Variants in COL14A1 observed in about 807,000 individuals in gnomAD.
The protein encoded by COL14A1 is collagen alpha-1(XIV) chain.
A neutral mutation model predicts 230.3 loss-of-function variants in COL14A1; 136 were observed. The ratio of observed to expected loss-of-function variants is 0.59; its 90% CI spans 0.51 to 0.68. The LOEUF is 0.68. COL14A1 is among the 30% of genes least tolerant of loss of function. The pLI is 0.00. For synonymous variants in COL14A1, 792 were observed against 784.1 expected (o/e 1.01, Z -0.17); for missense variants, 1,976 against 2,215.8 (o/e 0.89, Z 2.17).
chr8:120,253,947 T>C lies in COL14A1; in HGVS notation c.2753-1293T>C, dbSNP rs542991765. Among the ~76,000 whole-genome samples, 3 of 152,240 alleles carry C rather than the reference T, an allele frequency of 2.0e-5. No individual in the cohort carries two copies. The East Asian group carries it at 5.8e-4, about 29-fold the overall frequency. Reference sequence around the variant, plus strand: ...CTCAAAAAACAAAACAAAAAAGTTATATAAATCAATTAACATTAATTTCAT... The same window carrying C: ...CTCAAAAAACAAAACAAAAAAGTTACATAAATCAATTAACATTAATTTCAT... On this transcript the variant is annotated intron_variant, in intron 22 of 47. Transcript: ENST00000297848.
intron 5 of COL14A1, among the ~76,000 whole-genome samples, chr8:120,192,541 G>A (rs1816864358): frequency 6.6e-6 from 1 of 152,038 alleles, no homozygotes; most frequent in Non-Finnish European, 1.5e-5. Flanking sequence ...TGCTCTTCTC[G>A]AGGAGTATCT....
chr8:120,238,660 T>G (rs955816946), intron 19 of COL14A1, among the ~76,000 whole-genome samples: 10 of 151,974 alleles, frequency 6.6e-5, no homozygotes, highest in African/African-American at 2.2e-4. Context: ...GGTATGAAAA[T>G]AAACTCTTGC....
intron 45 of COL14A1, among the ~76,000 whole-genome samples, chr8:120,349,579 C>T (rs982811473): frequency 5.1e-5 from 7 of 137,902 alleles, no homozygotes; most frequent in African/African-American, 1.5e-4. Flanking sequence ...TCGAGAACTA[C>T]GTGAAGAATG....
At chr8:120,370,544 A>G (rs376105884) in intron 47 of COL14A1, 20 of 1,469,764 alleles carry the variant, frequency 1.4e-5, no homozygotes, top group South Asian at 1.1e-4. Context: ...CTCTGCTCCA[A>G]ACATGATGGA....
intron 2 of COL14A1, among the ~76,000 whole-genome samples, chr8:120,151,344 A>G (rs1316947252): frequency 6.6e-6 from 1 of 152,006 alleles, no homozygotes; most frequent in African/African-American, 2.4e-5. Flanking sequence ...CCAAATAGAC[A>G]TTTTCAGAGA....
chr8:120,367,122 T>C (rs1823429158), intron 45 of COL14A1, 49 bp from the exon 46 acceptor site: 3 of 1,461,392 alleles, frequency 2.1e-6, no homozygotes, highest in Admixed American at 2.3e-5. Flanking sequence ...ACTACCAAGA[T>C]TTTCTTTTAA....
chr8:120,158,372 G>C, intron 3 of COL14A1, 126 bp downstream of exon 3: 1 of 672,484 alleles, frequency 1.5e-6, no homozygotes, highest in Non-Finnish European at 2.7e-6. Flanking sequence ...AATCTTCAGT[G>C]TTTAAAATCT....
chr8:120,262,161 A>C (rs955043449), intron 23 of COL14A1, among the ~76,000 whole-genome samples: 1 of 152,056 alleles, frequency 6.6e-6, no homozygotes, highest in African/African-American at 2.4e-5. Flanking sequence ...ATCATATCGA[A>C]TAAAAGGGAG....
rs1819615839 is a variant in COL14A1 at position 120,270,121 on chromosome 8, T to G, written c.3160T>G (p.Phe1054Val). 16 of 1,611,632 alleles carry G rather than the reference T, an allele frequency of 9.9e-6. No homozygotes were observed. The highest frequency in any genetic ancestry group is 1.4e-5 in the Non-Finnish European group (16 of 1,178,424). Residue 1054 changes from phenylalanine to valine, a missense_variant, in exon 26 of 48, where the codon TTT becomes GTT. Physicochemically the swap from Phe to Val is conservative, Grantham distance 50. Coordinates refer to ENST00000297848, the MANE Select transcript of COL14A1 (RefSeq NM_021110.4). Reference protein sequence around the residue: ...GDENFNKIISFLYSTVGALNK... With the variant: ...GDENFNKIISVLYSTVGALNK... ...TGAAAATTTCAATAAGATCATCAGC[T>G]TTCTATACAGCACTGTTGGAGCCCT...
intron 23 of COL14A1, among the ~76,000 whole-genome samples, chr8:120,261,574 C>A (rs1405165169): frequency 6.6e-6 from 1 of 152,130 alleles, no homozygotes; most frequent in Non-Finnish European, 1.5e-5. Context: ...AGATGTACAG[C>A]AATTTTTCTA....
At chr8:120,282,336 C>T (rs546048502) in intron 31 of COL14A1, among the ~76,000 whole-genome samples, 18 of 152,186 alleles carry the variant, frequency 1.2e-4, no homozygotes, top group Non-Finnish European at 2.5e-4. Context: ...CACTCAGACT[C>T]GCACGCTAAT....
chr8:120,299,621 C>T (rs1820651186), intron 35 of COL14A1, among the ~76,000 whole-genome samples: 1 of 152,034 alleles, frequency 6.6e-6, no homozygotes. Flanking sequence ...TACAGGTGGC[C>T]TGTTGTTAGC....
At chr8:120,363,464 A>G (rs568409423) in intron 45 of COL14A1, among the ~76,000 whole-genome samples, 1 of 152,250 alleles carries the variant, frequency 6.6e-6, no homozygotes, top group East Asian at 1.9e-4. Flanking sequence ...CAAATAGCTA[A>G]TGTGTGTGGG....
At chr8:120,184,211 T>TGG (rs370512548) in intron 5 of COL14A1, among the ~76,000 whole-genome samples, 1,848 of 147,500 alleles carry the variant, frequency 0.013, 43 homozygotes, top group African/African-American at 0.043. Context: ...GGTGTGTGTG[T>TGG]GGGGGGGGAA....
At chr8:120,322,538 C>G (rs1042836431) in intron 40 of COL14A1, among the ~76,000 whole-genome samples, 1 of 152,016 alleles carries the variant, frequency 6.6e-6, no homozygotes, top group Non-Finnish European at 1.5e-5. Flanking sequence ...TGATTTTCTC[C>G]CTCCTCCCAT....
chr8:120,133,892 G>A (rs1439474360), intron 1 of COL14A1, among the ~76,000 whole-genome samples: 1 of 151,756 alleles, frequency 6.6e-6, no homozygotes, highest in African/African-American at 2.4e-5. Flanking sequence ...TTAAGACTTT[G>A]AAAAAATGTT....
intron 3 of COL14A1, among the ~76,000 whole-genome samples, chr8:120,160,202 T>A (rs549610165): frequency 2.0e-4 from 31 of 152,254 alleles, no homozygotes; most frequent in Admixed American, 3.9e-4. Flanking sequence ...CTTATTTTTT[T>A]AAAAATAAGC....
chr8:120,309,426 T>C (rs1407012381), intron 36 of COL14A1, among the ~76,000 whole-genome samples: 1 of 152,154 alleles, frequency 6.6e-6, no homozygotes, highest in Non-Finnish European at 1.5e-5. Context: ...ATACAGGGAA[T>C]ATATACACAT....
At chr8:120,173,986 A>G (rs1816190312) in intron 5 of COL14A1, among the ~76,000 whole-genome samples, 2 of 152,152 alleles carry the variant, frequency 1.3e-5, no homozygotes, top group African/African-American at 2.4e-5. Context: ...TTGCCTATTC[A>G]CTGTGGTTTT....
Sources: gnomAD v4.1 joint callset for allele counts (sites outside exome capture counted in the v4.1 genomes callset) on GRCh38, gnomAD v4.1.1 for gene constraint, MANE v1.5 for transcripts, NCBI Gene and HGNC (gene_info 2026-07-23, HGNC 2026-07-21) for gene names.